The following PARD3 variants were observed in gnomAD, a reference collection of about 807,000 sequenced individuals.
PARD3 encodes the protein par-3 family cell polarity regulator, also known as partitioning defective 3 homolog.
A neutral mutation model predicts 155.4 loss-of-function variants in PARD3; 75 were observed. That is an observed-to-expected ratio of 0.48 (90% CI 0.40 to 0.58). The LOEUF is 0.58. Among genes scored for constraint, PARD3 ranks in the 20% least tolerant of loss-of-function variants. The probability of loss-of-function intolerance (pLI) is 0.00; values close to 1 mark genes in which losing one functional copy is unlikely to be tolerated. For synonymous variants in PARD3, 576 were observed against 610.5 expected, an observed-to-expected ratio of 0.94 and a Z score of 0.83; for missense variants, 1,642 against 1,721.7, an observed-to-expected ratio of 0.95 and a Z score of 0.82.
intron 3 of PARD3, among the ~76,000 whole-genome samples, chr10:34,482,032 C>CTTTTT (rs58877037): frequency 0.041 from 4,125 of 101,502 alleles, 534 homozygotes; most frequent in African/African-American, 0.18. Context: ...TAATTTTTAT[C>CTTTTT]TTTTTTTTTT....
At chr10:34,118,707 T>C (rs1588828894) in intron 24 of PARD3, among the ~76,000 whole-genome samples, 1 of 152,120 alleles carries the variant, frequency 6.6e-6, no homozygotes, top group East Asian at 1.9e-4. Context: ...AAGATAAGCA[T>C]TTGTCTCCTA....
At chr10:34,362,168 G>A (rs1232099255) in intron 12 of PARD3, among the ~76,000 whole-genome samples, 4 of 152,124 alleles carry the variant, frequency 2.6e-5, no homozygotes, top group Admixed American at 6.5e-5. Flanking sequence ...GCGTGGTGGC[G>A]GGCACCTGTA....
chr10:34,132,325 AC>A (rs1433264578), intron 22 of PARD3, among the ~76,000 whole-genome samples: 2 of 48,568 alleles, frequency 4.1e-5, no homozygotes, highest in African/African-American at 7.9e-5. Context: ...ACACCCACCC[AC>A]CCACCCACCT....
intron 2 of PARD3, among the ~76,000 whole-genome samples, chr10:34,652,737 C>T (rs1405001630): frequency 1.3e-5 from 2 of 152,308 alleles, no homozygotes; most frequent in East Asian, 3.9e-4. Context: ...GAGGAAAAGA[C>T]AGGCATGCAT....
chr10:34,463,519 T>C (rs548670397), intron 4 of PARD3, among the ~76,000 whole-genome samples: 304 of 152,320 alleles, frequency 2.0e-3, no homozygotes, highest in Non-Finnish European at 3.1e-3. Flanking sequence ...TTTGTATTGA[T>C]AGTCAACATC....
chr10:34,584,508 T>C (rs1439709591), intron 2 of PARD3, among the ~76,000 whole-genome samples: 1 of 152,166 alleles, frequency 6.6e-6, no homozygotes, highest in African/African-American at 2.4e-5. Flanking sequence ...TTGGCCCCAT[T>C]TCATCTCTTC....
intron 3 of PARD3, among the ~76,000 whole-genome samples, chr10:34,483,395 T>C (rs1289596267): frequency 2.0e-5 from 3 of 150,568 alleles, no homozygotes; most frequent in Non-Finnish European, 4.4e-5. Flanking sequence ...GGCAGGATAA[T>C]TGCTTGAGCC....
intron 2 of PARD3, among the ~76,000 whole-genome samples, chr10:34,564,962 A>C (rs2085802822): frequency 6.6e-6 from 1 of 152,166 alleles, no homozygotes; most frequent in African/African-American, 2.4e-5. Context: ...GGGTAAACTG[A>C]GGCCCAGAAA....
chr10:34,649,547 T>C (rs2092944345), intron 2 of PARD3, among the ~76,000 whole-genome samples: 1 of 152,230 alleles, frequency 6.6e-6, no homozygotes, highest in Non-Finnish European at 1.5e-5. Context: ...AATGATGGTA[T>C]GCCCATGCAG....
At chr10:34,509,783 G>A (rs1011415366) in intron 3 of PARD3, among the ~76,000 whole-genome samples, 20 of 151,306 alleles carry the variant, frequency 1.3e-4, no homozygotes, top group Admixed American at 5.9e-4. Flanking sequence ...CACACGCATC[G>A]AAAAAATGAC....
intron 2 of PARD3, among the ~76,000 whole-genome samples, chr10:34,629,222 T>C (rs1421290969): frequency 6.6e-6 from 1 of 152,200 alleles, no homozygotes. Context: ...GACTCTCATA[T>C]TAAACATTTT....
At chr10:34,118,421 T>C (rs1034235923) in intron 24 of PARD3, among the ~76,000 whole-genome samples, 4 of 152,226 alleles carry the variant, frequency 2.6e-5, no homozygotes, top group Non-Finnish European at 1.5e-5. Flanking sequence ...CTCAGCTCAC[T>C]GTAACCTCTG....
chr10:34,344,562 A>G, intron 15 of PARD3: 4 of 982,776 alleles, frequency 4.1e-6, no homozygotes, highest in African/African-American at 1.7e-5. Flanking sequence ...GATTACAGGC[A>G]TAAGCCACTG....
intron 19 of PARD3, among the ~76,000 whole-genome samples, chr10:34,325,198 T>C (rs1367023655): frequency 1.3e-5 from 2 of 152,032 alleles, no homozygotes; most frequent in African/African-American, 2.4e-5. Flanking sequence ...TTAGTAGAGA[T>C]GGGGTCTCGC....
At chr10:34,231,464 T>C (rs1952928047) in intron 22 of PARD3, among the ~76,000 whole-genome samples, 1 of 151,962 alleles carries the variant, frequency 6.6e-6, no homozygotes, top group South Asian at 2.1e-4. Flanking sequence ...AAGTGGCAGC[T>C]GTGGCTTACA....
At chr10:34,530,229 T>C (rs1044323268) in intron 2 of PARD3, among the ~76,000 whole-genome samples, 1 of 152,142 alleles carries the variant, frequency 6.6e-6, no homozygotes, top group East Asian at 1.9e-4. Context: ...TACATCACAA[T>C]GTCTGACTTT....
rs1588917000 is a variant in PARD3 at position 34,144,073 on chromosome 10, A to C, written c.3420-12490T>G. On this transcript the variant is annotated intron_variant, in intron 22 of 24. Coordinates refer to ENST00000374788, the MANE Select transcript of PARD3 (RefSeq NM_001184785.2). ...ATTTAGTTAAATTATTATATTAGGA[A>C]AACAAAAACAGTGTGACCATATTGG... 2.0e-5 allele frequency among the ~76,000 whole-genome samples: 3 copies of C among 152,332 alleles called. No individual in the cohort carries two copies. In the South Asian group the frequency reaches 6.2e-4, roughly 32 times the overall value.
intron 5 of PARD3, among the ~76,000 whole-genome samples, chr10:34,446,246 A>G (rs12260824): frequency 0.055 from 8,377 of 152,202 alleles, 776 homozygotes; most frequent in African/African-American, 0.19. Flanking sequence ...GCTAAGCTAC[A>G]GAGTTAACTC....
intron 5 of PARD3, among the ~76,000 whole-genome samples, chr10:34,439,592 G>C (rs2076361326): frequency 6.6e-6 from 1 of 151,984 alleles, no homozygotes; most frequent in Admixed American, 6.6e-5. Context: ...TGAGTAGTTG[G>C]GATTACTGCG....
Sources: allele counts gnomAD v4.1 joint callset (sites outside exome capture counted in the v4.1 genomes callset), GRCh38; gene constraint gnomAD v4.1.1; transcripts MANE v1.5; gene names NCBI Gene and HGNC (gene_info 2026-07-23, HGNC 2026-07-21).